SLC2A13: variants seen among roughly 807,000 people sequenced by gnomAD.
The protein encoded by SLC2A13 is solute carrier family 2 member 13.
Under a neutral mutation model 64.4 loss-of-function variants are expected in SLC2A13, and 32 were observed. The ratio of observed to expected loss-of-function variants is 0.50; its 90% CI spans 0.37 to 0.67. The LOEUF is 0.67. SLC2A13 is among the 30% of genes least tolerant of loss of function. The pLI, the probability that SLC2A13 is intolerant of heterozygous loss-of-function variation, is 0.00. For synonymous variants in SLC2A13, 338 were observed against 327.1 expected, an observed-to-expected ratio of 1.03 and a Z score of -0.36; for missense variants, 743 against 829.2, an observed-to-expected ratio of 0.90 and a Z score of 1.28.
At chr12:39,765,666 T>C (rs914195125) in intron 7 of SLC2A13, among the ~76,000 whole-genome samples, 1 of 152,100 alleles carries the variant, frequency 6.6e-6, no homozygotes, top group African/African-American at 2.4e-5. Flanking sequence ...GCCTGCTCAG[T>C]CTACCTCCTC....
At chr12:39,842,117 C>T (rs1023326484) in intron 6 of SLC2A13, among the ~76,000 whole-genome samples, 1 of 151,964 alleles carries the variant, frequency 6.6e-6, no homozygotes, top group Non-Finnish European at 1.5e-5. Context: ...GGGGTTCCAA[C>T]CTAAGGATGT....
At chr12:39,839,863 C>A (rs1480779016) in intron 6 of SLC2A13, among the ~76,000 whole-genome samples, 2 of 152,080 alleles carry the variant, frequency 1.3e-5, no homozygotes, top group Admixed American at 1.3e-4. Context: ...TCAAACTCAA[C>A]AACCTAAAGC....
chr12:39,897,850 A>T (rs1383331802), intron 4 of SLC2A13, among the ~76,000 whole-genome samples: 1 of 152,164 alleles, frequency 6.6e-6, no homozygotes, highest in Non-Finnish European at 1.5e-5. Context: ...CACAAAATGT[A>T]TATGTGCATA....
At chr12:39,821,563 C>G (rs1027657300) in intron 7 of SLC2A13, among the ~76,000 whole-genome samples, 1 of 152,206 alleles carries the variant, frequency 6.6e-6, no homozygotes, top group African/African-American at 2.4e-5. Context: ...GCTCACACCA[C>G]AGGTCTACCT....
At chr12:39,835,094 T>C (rs990008542) in intron 6 of SLC2A13, among the ~76,000 whole-genome samples, 1 of 152,114 alleles carries the variant, frequency 6.6e-6, no homozygotes, top group Non-Finnish European at 1.5e-5. Context: ...ACAAAGTCAA[T>C]GCTCATAAGA....
At chr12:39,860,106 T>C (rs1943716966) in intron 6 of SLC2A13, among the ~76,000 whole-genome samples, 1 of 152,164 alleles carries the variant, frequency 6.6e-6, no homozygotes, top group Non-Finnish European at 1.5e-5. Context: ...AAGAACTGTG[T>C]TAGCTAAAAA....
chr12:40,052,358 T>A (rs932908957), intron 1 of SLC2A13, among the ~76,000 whole-genome samples: 1 of 152,022 alleles, frequency 6.6e-6, no homozygotes, highest in Non-Finnish European at 1.5e-5. Flanking sequence ...CAAGGGAGAA[T>A]TTGGTCTTTG....
At chr12:39,945,995 G>C (rs1015833046) in intron 4 of SLC2A13, among the ~76,000 whole-genome samples, 3 of 152,170 alleles carry the variant, frequency 2.0e-5, no homozygotes, top group African/African-American at 7.2e-5. Flanking sequence ...ATCAGTCAGA[G>C]GGAAGGTCTA....
rs141248201 is a variant in SLC2A13, at chr12:39,915,821, A to G, written c.1034+35436T>C. Among the ~76,000 whole-genome samples the G allele has an allele frequency of 1.6e-4, 25 of 152,152 alleles. No homozygotes were observed. In the East Asian group the frequency reaches 4.8e-3, roughly 29 times the overall value. ...CATTAATCATAGGCATCATAAAAAA[A>G]TTTGGAAACTAAGGAGTCTTTATGT... On this transcript the variant is annotated intron_variant, in intron 4 of 9. Transcript: ENST00000280871.
At chr12:40,098,749 C>T (rs752825612) in intron 1 of SLC2A13, among the ~76,000 whole-genome samples, 2 of 152,148 alleles carry the variant, frequency 1.3e-5, no homozygotes, top group African/African-American at 4.8e-5. Flanking sequence ...TAAAGGTAAC[C>T]GTATTATCCC....
intron 4 of SLC2A13, among the ~76,000 whole-genome samples, chr12:39,944,220 T>G (rs954998644): frequency 6.6e-6 from 1 of 152,266 alleles, no homozygotes; most frequent in Non-Finnish European, 1.5e-5. Context: ...CTTAATATAA[T>G]TTTAATTTTC....
intron 7 of SLC2A13, among the ~76,000 whole-genome samples, chr12:39,786,998 A>ATT (rs1566788531): frequency 6.6e-6 from 1 of 151,748 alleles, no homozygotes; most frequent in Admixed American, 6.6e-5. Context: ...TTTTTTTTAA[A>ATT]AAAATAATAA....
intron 3 of SLC2A13, among the ~76,000 whole-genome samples, chr12:39,957,602 G>A (rs911123643): frequency 1.3e-5 from 2 of 152,090 alleles, no homozygotes; most frequent in Non-Finnish European, 2.9e-5. Flanking sequence ...CCAGGGAGTT[G>A]AGCATTGTTT....
chr12:39,941,394 G>A (rs946024240), intron 4 of SLC2A13, among the ~76,000 whole-genome samples: 2 of 152,168 alleles, frequency 1.3e-5, no homozygotes, highest in South Asian at 4.1e-4. Context: ...CACCAGCAGT[G>A]TAGAAGTGCT....
chr12:39,917,578 A>G (rs1241867203), intron 4 of SLC2A13, among the ~76,000 whole-genome samples: 3 of 152,082 alleles, frequency 2.0e-5, no homozygotes. Context: ...CAAAAGGTGA[A>G]TGAAGCAAAA....
intron 1 of SLC2A13, among the ~76,000 whole-genome samples, chr12:40,080,757 G>C (rs1938366397): frequency 6.6e-6 from 1 of 152,182 alleles, no homozygotes; most frequent in South Asian, 2.1e-4. Context: ...TTGTTAGTAG[G>C]TTGTTATGCA....
chr12:39,993,659 T>C (rs1947176515), intron 3 of SLC2A13, among the ~76,000 whole-genome samples: 1 of 152,234 alleles, frequency 6.6e-6, no homozygotes, highest in African/African-American at 2.4e-5. Flanking sequence ...CCCATCTCTT[T>C]TGGACTGAAA....
intron 9 of SLC2A13, among the ~76,000 whole-genome samples, chr12:39,760,639 A>G (rs1940100767): frequency 6.6e-6 from 1 of 151,954 alleles, no homozygotes; most frequent in Non-Finnish European, 1.5e-5. Flanking sequence ...TGCCTTGTCT[A>G]TTACACTAGA....
intron 4 of SLC2A13, among the ~76,000 whole-genome samples, chr12:39,932,147 T>G (rs925840672): frequency 6.6e-6 from 1 of 152,182 alleles, no homozygotes; most frequent in East Asian, 1.9e-4. Flanking sequence ...ATAAGTAGTA[T>G]ACAGGGTGAT....
Sources: allele counts gnomAD v4.1 joint callset (sites outside exome capture counted in the v4.1 genomes callset), GRCh38; gene constraint gnomAD v4.1.1; transcripts MANE v1.5; gene names NCBI Gene and HGNC (gene_info 2026-07-23, HGNC 2026-07-21).